C12orf56: variants seen among roughly 807,000 people sequenced by gnomAD.
C12orf56 encodes the protein uncharacterized protein C12orf56.
Under a neutral mutation model 69.9 loss-of-function variants are expected in C12orf56, and 71 were observed. The ratio of observed to expected loss-of-function variants is 1.02; its 90% confidence interval spans 0.84 to 1.24. C12orf56 has a LOEUF of 1.24. Among genes scored for constraint, C12orf56 ranks in the 50% most tolerant of loss-of-function variants. The pLI, the probability that C12orf56 is intolerant of heterozygous loss-of-function variation, is 0.00. For missense variants in C12orf56, 732 were observed against 738.5 expected (o/e 0.99, Z 0.10); for synonymous variants, 276 against 274.1 (o/e 1.01, Z -0.07).
chr12:64,268,338 T>C (rs896165461), intron 12 of C12orf56, among the ~76,000 whole-genome samples: 1 of 152,194 alleles, frequency 6.6e-6, no homozygotes, highest in Non-Finnish European at 1.5e-5. Context: ...GACACCACTT[T>C]GCCAGTTGTC....
rs962497212 is a variant in C12orf56 at position 64,266,011 on chromosome 12, T to C, written c.*1172A>G. On this transcript the variant is annotated 3_prime_UTR_variant, in exon 13 of 13. Transcript: ENST00000543942. ...CACCATGCACTTAATTTTGTTGAAG[T>C]CCAAGCTTCTTTCTCTATGATAAAA... 1.3e-5 allele frequency: 2 copies of C among 152,224 alleles called. No homozygotes were observed. The highest frequency in any genetic ancestry group is 2.9e-5 in the Non-Finnish European group (2 of 68,044). 9.4% of individuals were successfully genotyped at this position (152,224 alleles called of 1,614,324 possible). A position where few individuals can be genotyped will look rare whatever the true frequency, so the allele number is the denominator to read the frequency against.
At position 64,312,761 on chromosome 12, in the gene C12orf56, G is replaced by C. The variant is rs373701641; in HGVS notation, c.895-9C>G. 2.0e-6 allele frequency: 3 copies of C among 1,525,842 alleles called. No homozygotes were observed. Among genetic ancestry groups the C allele is most frequent in the Non-Finnish European group, 1.8e-6 (2 of 1,137,782 alleles). 94.5% of individuals were successfully genotyped at this position (1,525,842 alleles called of 1,614,324 possible). A position where few individuals can be genotyped will look rare whatever the true frequency, so the allele number is the denominator to read the frequency against. On this transcript the variant is annotated splice_polypyrimidine_tract_variant and intron_variant, in intron 4 of 12. Coordinates refer to ENST00000543942, the MANE Select transcript of C12orf56 (RefSeq NM_001170633.2). ...TGTAAAAGAGTAGCTTTCTGAAAAAGGAAAAAGTAGAAATTGTTAGAATTT... is the reference window on the plus strand; with the variant it reads ...TGTAAAAGAGTAGCTTTCTGAAAAACGAAAAAGTAGAAATTGTTAGAATTT...
At chr12:64,313,274 A>AAAAAAAAGAAAGAAAGAAAGAAAG (rs762664621) in intron 4 of C12orf56, among the ~76,000 whole-genome samples, 5 of 81,424 alleles carry the variant, frequency 6.1e-5, no homozygotes, top group Admixed American at 1.5e-4. Flanking sequence ...AAAAAAAAAA[A>AAAAAAAAGAAAGAAAGAAAGAAAG]AAAGAAAGAA....
At chr12:64,376,226 C>A (rs986005836) in intron 1 of C12orf56, among the ~76,000 whole-genome samples, 3 of 152,184 alleles carry the variant, frequency 2.0e-5, no homozygotes, top group African/African-American at 7.2e-5. Flanking sequence ...TGACCTCTTG[C>A]CAACTGACTA....
chr12:64,302,276 G>A (rs1303700824), intron 6 of C12orf56, among the ~76,000 whole-genome samples: 1 of 152,098 alleles, frequency 6.6e-6, no homozygotes, highest in Non-Finnish European at 1.5e-5. Flanking sequence ...GAGTCTCAAT[G>A]TCTCAATGTT....
intron 8 of C12orf56, among the ~76,000 whole-genome samples, chr12:64,278,053 G>T (rs1459517698): frequency 1.3e-5 from 2 of 152,114 alleles, no homozygotes; most frequent in Non-Finnish European, 2.9e-5. Context: ...AGCTTAGAAA[G>T]ACTAGAAAAT....
intron 1 of C12orf56, among the ~76,000 whole-genome samples, chr12:64,383,344 T>G (rs562246780): frequency 1.3e-5 from 2 of 152,032 alleles, no homozygotes; most frequent in South Asian, 4.2e-4. Flanking sequence ...ATAGTACCTC[T>G]TTTGTTTAAT....
Position 64,352,983 on chromosome 12 carries a change from G to A in C12orf56, c.326C>T (p.Ser109Leu). ...TTTACACTCTTTTTTCAAAACGGTT[G>A]AAGAATAGATGATACGAATGTGTTG... Reference protein sequence around the residue: ...ISQHIRIIYSSTVLKKECKKS... With the variant: ...ISQHIRIIYSLTVLKKECKKS... Residue 109 changes from serine (S) to leucine (L), a missense_variant, in exon 2 of 13, where the codon TCA becomes TTA. Coordinates refer to ENST00000543942, the MANE Select transcript of C12orf56 (RefSeq NM_001170633.2). The A allele has an allele frequency of 6.2e-7, 1 of 1,613,012 alleles. No individual in the cohort carries two copies. Among genetic ancestry groups the A allele is most frequent in the Admixed American group, 1.7e-5 (1 of 59,754 alleles).
At chr12:64,344,533 G>A (rs935289002) in intron 2 of C12orf56, among the ~76,000 whole-genome samples, 1 of 152,170 alleles carries the variant, frequency 6.6e-6, no homozygotes, top group Non-Finnish European at 1.5e-5. Context: ...TGGTAACTAT[G>A]CCCACCTTGC....
At chr12:64,381,507 C>A (rs1247507114) in intron 1 of C12orf56, among the ~76,000 whole-genome samples, 1 of 152,148 alleles carries the variant, frequency 6.6e-6, no homozygotes, top group African/African-American at 2.4e-5. Flanking sequence ...CTGTTATTAT[C>A]TTTGTTTTAA....
chr12:64,329,583 A>T, intron 3 of C12orf56, among the ~76,000 whole-genome samples: 1 of 150,922 alleles, frequency 6.6e-6, no homozygotes, highest in African/African-American at 2.4e-5. Flanking sequence ...TGTGCAGGTT[A>T]GTTACATATG....
chr12:64,366,971 C>G (rs1447410828), intron 1 of C12orf56, among the ~76,000 whole-genome samples: 6 of 108,398 alleles, frequency 5.5e-5, no homozygotes, highest in African/African-American at 1.9e-4. Flanking sequence ...ATAACATACA[C>G]TTTATATATT....
chr12:64,365,794 T>G (rs922261598), intron 1 of C12orf56, among the ~76,000 whole-genome samples: 5 of 141,066 alleles, frequency 3.5e-5, no homozygotes, highest in Non-Finnish European at 7.5e-5. Context: ...ATATAATGTA[T>G]ATATTATGTA....
intron 2 of C12orf56, among the ~76,000 whole-genome samples, chr12:64,332,102 C>T (rs774979972): frequency 1.3e-5 from 2 of 151,856 alleles, no homozygotes; most frequent in Non-Finnish European, 2.9e-5. Context: ...GCCAGGAGTT[C>T]GAGACCAGCC....
intron 6 of C12orf56, among the ~76,000 whole-genome samples, chr12:64,286,777 G>C (rs1272589357): frequency 3.3e-5 from 5 of 152,134 alleles, no homozygotes; most frequent in African/African-American, 1.2e-4. Flanking sequence ...TGGTTTACTA[G>C]TGACAATTTA....
At chr12:64,386,822 C>T (rs1442319628) in intron 1 of C12orf56, among the ~76,000 whole-genome samples, 3 of 147,704 alleles carry the variant, frequency 2.0e-5, no homozygotes, top group East Asian at 2.0e-4. Flanking sequence ...TGACCCACTG[C>T]GCCCAGCCAT....
chr12:64,339,799 A>G (rs1393884410), intron 2 of C12orf56, among the ~76,000 whole-genome samples: 2 of 151,978 alleles, frequency 1.3e-5, no homozygotes, highest in Non-Finnish European at 1.5e-5. Flanking sequence ...TGCCTTAAGC[A>G]ATTGTCCCAC....
At chr12:64,343,877 C>A (rs1421916430) in intron 2 of C12orf56, among the ~76,000 whole-genome samples, 1 of 152,210 alleles carries the variant, frequency 6.6e-6, no homozygotes, top group East Asian at 1.9e-4. Context: ...AGCCCTCAAT[C>A]TACCAGCCAA....
At chr12:64,386,398 A>ATTT (rs768370363) in intron 1 of C12orf56, among the ~76,000 whole-genome samples, 47 of 87,342 alleles carry the variant, frequency 5.4e-4, no homozygotes, top group African/African-American at 2.3e-3. Flanking sequence ...ATATATATAT[A>ATTT]TTTTTTTTTT....
Sources: allele counts gnomAD v4.1 joint callset (sites outside exome capture counted in the v4.1 genomes callset), GRCh38; gene constraint gnomAD v4.1.1; transcripts MANE v1.5; gene names NCBI Gene and HGNC (gene_info 2026-07-23, HGNC 2026-07-21).